Variants in AKAIN1 observed in about 807,000 individuals in gnomAD.
AKAIN1 encodes A-kinase anchor protein inhibitor 1.
AKAIN1 carries 3 observed loss-of-function variants against 3.7 expected under a neutral mutation model. That is an observed-to-expected ratio of 0.82 (90% CI 0.37 to 2.12). The LOEUF (loss-of-function observed/expected upper bound fraction) is 2.12, where lower values mean the gene tolerates loss of function less well. Ranked by LOEUF, AKAIN1 falls within the 30% of genes most tolerant of loss-of-function variation. The probability of loss-of-function intolerance (pLI) is 0.06; values close to 1 mark genes in which losing one functional copy is unlikely to be tolerated. For missense variants in AKAIN1, 82 were observed against 82.7 expected (o/e 0.99, Z 0.03); for synonymous variants, 31 against 30.8 (o/e 1.01, Z -0.02).
intron 1 of AKAIN1, among the ~76,000 whole-genome samples, chr18:5,184,101 C>G (rs1003923217): frequency 1.3e-5 from 2 of 152,000 alleles, no homozygotes; most frequent in Non-Finnish European, 2.9e-5. Flanking sequence ...AGAGCTGGAA[C>G]AAAGAGAGAG....
intron 1 of AKAIN1, among the ~76,000 whole-genome samples, chr18:5,175,910 T>C (rs140425640): frequency 6.6e-6 from 1 of 152,086 alleles, no homozygotes; most frequent in East Asian, 1.9e-4. Flanking sequence ...AACTTTAGAT[T>C]TTAGTGCATT....
rs77224302 is a variant in AKAIN1, at chr18:5,183,993, A to C, written c.16+13045T>G. Among the ~76,000 whole-genome samples the C allele has an allele frequency of 6.0e-3, 918 of 152,188 alleles. 11 individuals carry two copies. The highest frequency in any genetic ancestry group is 0.021 in the African/African-American group (867 of 41,542). The stretch of plus-strand genomic sequence containing the variant: ...TTGGAAACACTTCAGCACTACATTC[A>C]AGAGTCATTTTAAACAGTGAAATCA... On this transcript the variant is annotated intron_variant, in intron 1 of 1. Coordinates refer to ENST00000434239, the MANE Select transcript of AKAIN1 (RefSeq NM_001145194.2).
chr18:5,184,317 C>A (rs2071275272), intron 1 of AKAIN1, among the ~76,000 whole-genome samples: 1 of 151,986 alleles, frequency 6.6e-6, no homozygotes, highest in Admixed American at 6.6e-5. Flanking sequence ...CGGTCCTAGT[C>A]AACATAGTAC....
At chr18:5,157,436 G>T (rs451070) in intron 1 of AKAIN1, among the ~76,000 whole-genome samples, 1 of 152,212 alleles carries the variant, frequency 6.6e-6, no homozygotes, top group East Asian at 1.9e-4. Flanking sequence ...AATCTGTCAT[G>T]CACCTGCACA....
chr18:5,173,395 GA>G (rs532354546), intron 1 of AKAIN1, among the ~76,000 whole-genome samples: 1 of 152,126 alleles, frequency 6.6e-6, no homozygotes, highest in Non-Finnish European at 1.5e-5. Flanking sequence ...AGCCATCAGT[GA>G]CTTCAAAGCC....
At chr18:5,182,168 T>A (rs1346486239) in intron 1 of AKAIN1, among the ~76,000 whole-genome samples, 1 of 152,150 alleles carries the variant, frequency 6.6e-6, no homozygotes, top group Non-Finnish European at 1.5e-5. Context: ...TCAGCCTAGC[T>A]TATTGTAGCA....
At chr18:5,158,269 C>A (rs928605670) in intron 1 of AKAIN1, among the ~76,000 whole-genome samples, 1 of 152,162 alleles carries the variant, frequency 6.6e-6, no homozygotes, top group Non-Finnish European at 1.5e-5. Context: ...CTGCTCTTGG[C>A]CTCCTTTGCT....
intron 1 of AKAIN1, among the ~76,000 whole-genome samples, chr18:5,177,672 AT>A (rs1455506262): frequency 7.9e-5 from 12 of 152,308 alleles, no homozygotes; most frequent in African/African-American, 2.6e-4. Context: ...TCTATAAATA[AT>A]AAAAAATGCT....
At chr18:5,173,508 GGA>G (rs2143353331) in intron 1 of AKAIN1, among the ~76,000 whole-genome samples, 1 of 152,248 alleles carries the variant, frequency 6.6e-6, no homozygotes, top group South Asian at 2.1e-4. Flanking sequence ...TTCCTTTGGA[GGA>G]AAAAACACAG....
At chr18:5,150,236 T>C (rs1385186193) in intron 1 of AKAIN1, among the ~76,000 whole-genome samples, 1 of 152,186 alleles carries the variant, frequency 6.6e-6, no homozygotes, top group Non-Finnish European at 1.5e-5. Flanking sequence ...AAACTCCTGA[T>C]GGAGTCTCTT....
chr18:5,164,231 A>G (rs2071155507), intron 1 of AKAIN1, among the ~76,000 whole-genome samples: 1 of 152,110 alleles, frequency 6.6e-6, no homozygotes. Context: ...ATAAATTGAT[A>G]CAAAGATGGA....
Position 5,144,119 on chromosome 18 carries a change from G to A in AKAIN1, c.*1443C>T, listed in dbSNP as rs2071035892. Among the ~76,000 whole-genome samples the A allele has an allele frequency of 6.6e-6, 1 of 152,064 alleles. No homozygotes were observed. Among genetic ancestry groups the A allele is most frequent in the Non-Finnish European group, 1.5e-5 (1 of 68,032 alleles). The stretch of plus-strand genomic sequence containing the variant: ...TTCCTTCTCCTTCCATGTTTCCTGT[G>A]AATTTATTCCACCTGTGCACTGTGG... On this transcript the variant is annotated 3_prime_UTR_variant, in exon 2 of 2. Transcript: ENST00000434239.
chr18:5,181,177 T>C (rs2071256078), intron 1 of AKAIN1, among the ~76,000 whole-genome samples: 1 of 151,674 alleles, frequency 6.6e-6, no homozygotes, highest in African/African-American at 2.4e-5. Flanking sequence ...CTGTAGTCCC[T>C]GCTACTCAGG....
chr18:5,194,032 C>T (rs779223125), intron 1 of AKAIN1, among the ~76,000 whole-genome samples: 21 of 152,034 alleles, frequency 1.4e-4, no homozygotes, highest in African/African-American at 2.2e-4. Context: ...AAGCAAGAGG[C>T]CTCATTTTAG....
intron 1 of AKAIN1, among the ~76,000 whole-genome samples, chr18:5,195,147 T>TG: frequency 1.1e-5 from 1 of 89,658 alleles, no homozygotes; most frequent in East Asian, 3.0e-4. Context: ...GAAGAAGTGA[T>TG]GAAAAAAAAA....
At chr18:5,153,649 TA>T (rs1373584264) in intron 1 of AKAIN1, among the ~76,000 whole-genome samples, 1 of 152,244 alleles carries the variant, frequency 6.6e-6, no homozygotes, top group Non-Finnish European at 1.5e-5. Context: ...ATTTCATATC[TA>T]GATCTGAAAA....
intron 1 of AKAIN1, among the ~76,000 whole-genome samples, chr18:5,155,255 AG>A: frequency 6.6e-6 from 1 of 152,236 alleles, no homozygotes; most frequent in African/African-American, 2.4e-5. Context: ...CTGTGCAGTG[AG>A]GGTTTTGCAT....
intron 1 of AKAIN1, among the ~76,000 whole-genome samples, chr18:5,176,359 G>A (rs1489354921): frequency 6.6e-6 from 1 of 152,110 alleles, no homozygotes; most frequent in Non-Finnish European, 1.5e-5. Context: ...AGAATCGCTT[G>A]AGCCTGGGAG....
At chr18:5,196,540 C>T (rs1322885593) in intron 1 of AKAIN1, among the ~76,000 whole-genome samples, 1 of 152,256 alleles carries the variant, frequency 6.6e-6, no homozygotes, top group Non-Finnish European at 1.5e-5. Flanking sequence ...TATCGCTCCT[C>T]TGCCCTTCGT....
Sources: allele counts gnomAD v4.1 joint callset (sites outside exome capture counted in the v4.1 genomes callset), GRCh38; gene constraint gnomAD v4.1.1; transcripts MANE v1.5; gene names NCBI Gene and HGNC (gene_info 2026-07-23, HGNC 2026-07-21).